Variants in TTLL11 observed in about 807,000 individuals in gnomAD.
TTLL11 encodes tubulin polyglutamylase TTLL11.
A neutral mutation model predicts 51.7 loss-of-function variants in TTLL11; 42 were observed. The observed-to-expected ratio is 0.81, with a 90% confidence interval of 0.64 to 1.05. TTLL11 has a LOEUF of 1.05. TTLL11 is among the 50% of genes least tolerant of loss of function. The probability of loss-of-function intolerance (pLI) is 0.00; values close to 1 mark genes in which losing one functional copy is unlikely to be tolerated. For synonymous variants in TTLL11, 381 were observed against 383.5 expected, an observed-to-expected ratio of 0.99 and a Z score of 0.08; for missense variants, 799 against 940.4, an observed-to-expected ratio of 0.85 and a Z score of 1.97.
chr9:121,901,931 C>T (rs1182205234), intron 6 of TTLL11, among the ~76,000 whole-genome samples: 11 of 152,136 alleles, frequency 7.2e-5, no homozygotes, highest in Non-Finnish European at 1.5e-4. Flanking sequence ...CCTGCCAGCA[C>T]ATTCCTACAT....
At chr9:121,943,635 G>A (rs982378457) in intron 6 of TTLL11, among the ~76,000 whole-genome samples, 1 of 152,194 alleles carries the variant, frequency 6.6e-6, no homozygotes, top group Non-Finnish European at 1.5e-5. Context: ...GCCAGAGCTT[G>A]TATCTATTTT....
rs1423787616 is a variant in TTLL11 at position 121,816,451 on chromosome 9, TAAATA to T, written c.*6131_*6135del. Reference sequence around the variant, plus strand: ...AAAGAGCCCTCTCCACTCCGCTCTCTAAATAACACTCGGAAGCCAATCACCAGAAA... The same window carrying T: ...AAAGAGCCCTCTCCACTCCGCTCTCTACACTCGGAAGCCAATCACCAGAAA... On this transcript the variant is annotated 3_prime_UTR_variant, in exon 9 of 9. Coordinates refer to ENST00000321582, the MANE Select transcript of TTLL11 (RefSeq NM_001139442.2). The T allele has an allele frequency of 6.6e-6, 1 of 152,250 alleles. No individual in the cohort carries two copies. Among genetic ancestry groups the T allele is most frequent in the Non-Finnish European group, 1.5e-5 (1 of 68,048 alleles). 9.4% of individuals were successfully genotyped at this position (152,250 alleles called of 1,614,324 possible). A position where few individuals can be genotyped will look rare whatever the true frequency, so the allele number is the denominator to read the frequency against.
chr9:121,948,141 A>G (rs1303301842), intron 6 of TTLL11, among the ~76,000 whole-genome samples: 1 of 152,168 alleles, frequency 6.6e-6, no homozygotes, highest in East Asian at 1.9e-4. Context: ...AACCCTGTGA[A>G]GTGGCTCCAA....
chr9:121,994,197 G>A (rs1843189835), intron 3 of TTLL11, among the ~76,000 whole-genome samples: 1 of 151,456 alleles, frequency 6.6e-6, no homozygotes, highest in Non-Finnish European at 1.5e-5. Flanking sequence ...GGGCAGAAAG[G>A]AAGGACCTGG....
intron 6 of TTLL11, among the ~76,000 whole-genome samples, chr9:121,966,511 C>A (rs1268385833): frequency 2.0e-5 from 3 of 152,188 alleles, no homozygotes; most frequent in African/African-American, 7.2e-5. Flanking sequence ...ATGGAACAAG[C>A]ATCTTGCTTT....
chr9:121,985,963 G>A (rs974820630), intron 4 of TTLL11, among the ~76,000 whole-genome samples: 3 of 152,230 alleles, frequency 2.0e-5, no homozygotes, highest in Non-Finnish European at 4.4e-5. Context: ...AGTGAGCGTA[G>A]GTGATTTACA....
chr9:121,986,468 C>T (rs903409797), intron 4 of TTLL11, among the ~76,000 whole-genome samples: 2 of 152,222 alleles, frequency 1.3e-5, no homozygotes, highest in Non-Finnish European at 2.9e-5. Context: ...TTTTTGATGG[C>T]TTACGTCAGG....
intron 8 of TTLL11, among the ~76,000 whole-genome samples, chr9:121,847,270 A>G (rs1489949546): frequency 1.3e-5 from 2 of 152,136 alleles, no homozygotes; most frequent in East Asian, 3.9e-4. Flanking sequence ...GAAGAAAGCA[A>G]TAGAGAAAAT....
chr9:121,990,487 C>T lies in TTLL11; in HGVS notation c.694-717G>A, dbSNP rs563823097. 3.1e-4 allele frequency among the ~76,000 whole-genome samples: 47 copies of T among 152,328 alleles called. 1 individual carries two copies. The highest frequency in any genetic ancestry group is 2.9e-3 in the South Asian group (14 of 4,824). ...GAAGATGAAGTGACTTGCCAGCTAACGCGGGGGCAGAATTGGGATTGGAAT... is the reference window on the plus strand; with the variant it reads ...GAAGATGAAGTGACTTGCCAGCTAATGCGGGGGCAGAATTGGGATTGGAAT... On this transcript the variant is annotated intron_variant, in intron 3 of 8. Transcript: ENST00000321582.
At chr9:121,937,167 C>T (rs1337191598) in intron 6 of TTLL11, among the ~76,000 whole-genome samples, 1 of 152,080 alleles carries the variant, frequency 6.6e-6, no homozygotes, top group Non-Finnish European at 1.5e-5. Flanking sequence ...CAAGTGGTAA[C>T]AATAATCTAT....
chr9:122,089,864 C>A (rs1846214627), intron 1 of TTLL11, among the ~76,000 whole-genome samples: 1 of 152,190 alleles, frequency 6.6e-6, no homozygotes, highest in African/African-American at 2.4e-5. Flanking sequence ...TCATAGCTCA[C>A]TGCATCCTTG....
intron 6 of TTLL11, among the ~76,000 whole-genome samples, chr9:121,937,959 T>A (rs1477945290): frequency 6.6e-6 from 1 of 152,052 alleles, no homozygotes; most frequent in African/African-American, 2.4e-5. Context: ...ACAGCTGACA[T>A]CACACTCAAC....
chr9:122,064,777 G>A (rs1845530894), intron 1 of TTLL11, among the ~76,000 whole-genome samples: 1 of 152,168 alleles, frequency 6.6e-6, no homozygotes. Flanking sequence ...AGACAAAGGA[G>A]GAGGGAAGAG....
intron 6 of TTLL11, among the ~76,000 whole-genome samples, chr9:121,875,264 C>T (rs925227328): frequency 3.3e-5 from 5 of 152,104 alleles, no homozygotes; most frequent in African/African-American, 1.2e-4. Context: ...GCTGGGGTTG[C>T]CCTGGTGATG....
intron 6 of TTLL11, among the ~76,000 whole-genome samples, chr9:121,932,801 G>A (rs1169249477): frequency 1.3e-5 from 2 of 152,128 alleles, no homozygotes; most frequent in African/African-American, 4.8e-5. Flanking sequence ...AAAAGATGAT[G>A]TACCATTAAA....
At chr9:121,975,621 A>G (rs1389981412) in intron 4 of TTLL11, among the ~76,000 whole-genome samples, 1 of 152,198 alleles carries the variant, frequency 6.6e-6, no homozygotes, top group Non-Finnish European at 1.5e-5. Context: ...CTGAAGCAGG[A>G]TAATTGCTTG....
intron 3 of TTLL11, among the ~76,000 whole-genome samples, chr9:122,020,039 A>T (rs1345844510): frequency 1.3e-5 from 2 of 152,150 alleles, no homozygotes; most frequent in African/African-American, 4.8e-5. Context: ...CTTTTTCTTC[A>T]TAAATTACCC....
chr9:121,897,644 G>A (rs536665605), intron 6 of TTLL11, among the ~76,000 whole-genome samples: 254 of 51,744 alleles, frequency 4.9e-3, no homozygotes, highest in African/African-American at 5.5e-3. Context: ...ACACACACGC[G>A]CGCGCGAAGT....
At chr9:121,842,252 T>TG (rs1386099364) in intron 8 of TTLL11, among the ~76,000 whole-genome samples, 1 of 133,120 alleles carries the variant, frequency 7.5e-6, no homozygotes, top group Non-Finnish European at 1.7e-5. Context: ...CCCTCTCCTT[T>TG]TTTTTAAAAA....
Sources: allele counts gnomAD v4.1 joint callset (sites outside exome capture counted in the v4.1 genomes callset), GRCh38; gene constraint gnomAD v4.1.1; transcripts MANE v1.5; gene names NCBI Gene and HGNC (gene_info 2026-07-23, HGNC 2026-07-21).